The following BCCIP variants were observed in gnomAD, a reference collection of about 807,000 sequenced individuals.
BCCIP encodes BRCA2 and CDKN1A interacting protein, also known as BRCA2 and CDKN1A-interacting protein.
A neutral mutation model predicts 32.8 loss-of-function variants in BCCIP; 23 were observed. That is an observed-to-expected ratio of 0.70 (90% CI 0.51 to 0.99). The LOEUF (loss-of-function observed/expected upper bound fraction) is 0.99, where lower values mean the gene tolerates loss of function less well. Ranked by LOEUF, BCCIP falls within the 50% of genes least tolerant of loss-of-function variation. BCCIP has a pLI of 0.00. For missense variants in BCCIP, 378 were observed against 379.8 expected, an observed-to-expected ratio of 1.00 and a Z score of 0.04; for synonymous variants, 144 against 137.6, an observed-to-expected ratio of 1.05 and a Z score of -0.33.
chr10:125,841,232 A>T (rs2134026764), downstream of BCCIP: 1 of 1,603,962 alleles, frequency 6.2e-7, no homozygotes, highest in African/African-American at 1.3e-5. Flanking sequence ...AATATGGTTA[A>T]TATCCTGCTT....
At chr10:125,841,959 T>C (rs1472606796) in exon 7 of BCCIP, 1 of 1,561,144 alleles carries the variant, frequency 6.4e-7, no homozygotes, top group Non-Finnish European at 8.6e-7. Flanking sequence ...AAATAATAAT[T>C]TAAGAGTCTC....
chr10:125,839,818 C>G (rs1222990555), downstream of BCCIP, among the ~76,000 whole-genome samples: 2 of 152,140 alleles, frequency 1.3e-5, no homozygotes, highest in Non-Finnish European at 2.9e-5. Context: ...TGGGAATGTA[C>G]ATGGCCATGG....
At position 125,836,284 on chromosome 10, in the gene BCCIP, A is replaced by C; in HGVS notation, c.*10A>C. 1 of 1,614,202 alleles carries C rather than the reference A, an allele frequency of 6.2e-7. No individual in the cohort carries two copies. The highest frequency in any genetic ancestry group is 8.5e-7 in the Non-Finnish European group (1 of 1,180,016). ...ATATCTATCTGTCTAACCCATTTCC[A>C]ATGGACAGTGATGGGCTTGTTTTTG... On this transcript the variant is annotated 3_prime_UTR_variant, in exon 7 of 7. Coordinates refer to ENST00000278100, the MANE Select transcript of BCCIP (RefSeq NM_078468.3).
Position 125,824,450 on chromosome 10 carries a change from T to TCATG in BCCIP, c.165+730_165+733dup, listed in dbSNP as rs1308604402. On this transcript the variant is annotated intron_variant, in intron 1 of 6. Transcript: ENST00000278100. ...TCCAAAGCAGAATTTGTATAATAAT[T>TCATG]CATGCCCCTCTCTTAATCGTCACCA... Among the ~76,000 whole-genome samples, 25 of 152,334 alleles carry TCATG rather than the reference T, an allele frequency of 1.6e-4. No homozygotes were observed. In the East Asian group the frequency reaches 4.6e-3, roughly 28 times the overall value.
At chr10:125,835,645 G>T (rs1337643394) in intron 6 of BCCIP, among the ~76,000 whole-genome samples, 4 of 152,080 alleles carry the variant, frequency 2.6e-5, no homozygotes, top group Admixed American at 6.5e-5. Flanking sequence ...TTGACCATTT[G>T]GGGGGAGTGT....
At position 125,833,965 on chromosome 10, in the gene BCCIP, T is replaced by C. The variant is rs764451436; in HGVS notation, c.774+19T>C. ...CTATGAGGTAAGACTATCCTGCTTA[T>C]TTGTTTAGATGTAAATAAGGATTTT... is the stretch of plus-strand genomic sequence containing the variant. On this transcript the variant is annotated intron_variant, in intron 6 of 6. Transcript: ENST00000278100. 1.2e-6 allele frequency: 2 copies of C among 1,610,054 alleles called. No individual in the cohort carries two copies. The highest frequency in any genetic ancestry group is 1.7e-6 in the Non-Finnish European group (2 of 1,177,240).
At chr10:125,836,694 A>G (rs1854696270), downstream of BCCIP, 1 of 1,613,862 alleles carries the variant, frequency 6.2e-7, no homozygotes, top group Non-Finnish European at 8.5e-7. Flanking sequence ...GAGTCACTGG[A>G]GAGTGCATCT....
At chr10:125,841,120 A>C (rs17153661), downstream of BCCIP, 5,672 of 1,361,890 alleles carry the variant, frequency 4.2e-3, 15 homozygotes, top group Middle Eastern at 7.7e-3. Flanking sequence ...CTGAATAAAT[A>C]TGTTATTCTT....
downstream of BCCIP, chr10:125,841,136 C>T (rs1169882889): frequency 4.4e-6 from 6 of 1,377,222 alleles, no homozygotes; most frequent in Non-Finnish European, 6.0e-6. Context: ...TTCTTGTTTA[C>T]TTAGAAATCC....
downstream of BCCIP, among the ~76,000 whole-genome samples, chr10:125,843,860 C>G (rs1490226570): frequency 6.6e-6 from 1 of 152,146 alleles, no homozygotes; most frequent in Non-Finnish European, 1.5e-5. Flanking sequence ...GCCAAACCAC[C>G]CAAGGGAAAT....
rs1355074268 is a variant in BCCIP at position 125,834,014 on chromosome 10, T to G, written c.774+68T>G. On this transcript the variant is annotated intron_variant, in intron 6 of 6. Transcript: ENST00000278100. ...TTCTTGAAAATGATTTATCAAGATT[T>G]ATTGTTCTCCCACTTTAGGTCCAAG... 2.0e-6 allele frequency: 3 copies of G among 1,533,572 alleles called. No homozygotes were observed. The Admixed American group carries it at 5.1e-5, about 26-fold the overall frequency. 95.0% of individuals were successfully genotyped at this position (1,533,572 alleles called of 1,614,324 possible).
At chr10:125,851,978 C>A (rs1156900486) in intron 7 of BCCIP, among the ~76,000 whole-genome samples, 1 of 150,418 alleles carries the variant, frequency 6.6e-6, no homozygotes, top group Non-Finnish European at 1.5e-5. Context: ...GCTGAGAATT[C>A]TTCTTTCTGC....
rs1214598507 is a variant in BCCIP, at chr10:125,836,117, A to G, written c.788A>G (p.Lys263Arg). ...TATTTGGTTTAGAAGGCAATTCTCA[A>G]GTTCAACTACTCAGTGCAGGAGGAG... ...EEFFYEKAIL[K>R]FNYSVQEESD... The change falls in exon 7 of 7, where the codon AAG becomes AGG. Residue 263 changes from lysine to arginine, a missense_variant. Lys to Arg is a conservative substitution (Grantham distance 26, BLOSUM62 2). Coordinates refer to ENST00000278100, the MANE Select transcript of BCCIP (RefSeq NM_078468.3). 5 of 1,611,136 alleles carry G rather than the reference A, an allele frequency of 3.1e-6. No individual in the cohort carries two copies. The highest frequency in any genetic ancestry group is 4.5e-5 in the East Asian group (2 of 44,820).
intron 7 of BCCIP, among the ~76,000 whole-genome samples, chr10:125,851,158 T>C (rs956305319): frequency 2.6e-5 from 4 of 152,240 alleles, no homozygotes; most frequent in Non-Finnish European, 4.4e-5. Context: ...GTTTGCTGGA[T>C]TTGCATATTT....
downstream of BCCIP, among the ~76,000 whole-genome samples, chr10:125,837,893 A>G (rs1854746920): frequency 6.6e-6 from 1 of 152,166 alleles, no homozygotes; most frequent in South Asian, 2.1e-4. Flanking sequence ...TGGCTCTTGA[A>G]AGATGGCTAA....
chr10:125,831,572 T>C lies in BCCIP; in HGVS notation c.564T>C (p.Pro188=). The C allele has an allele frequency of 6.2e-7, 1 of 1,614,142 alleles. No individual in the cohort carries two copies. Among genetic ancestry groups the C allele is most frequent in the Non-Finnish European group, 8.5e-7 (1 of 1,179,984 alleles). ...LLLSERFINV[P]PQIALPMYQQ... The stretch of plus-strand genomic sequence containing the variant: ...TAAGTGAAAGATTCATTAATGTCCC[T>C]CCACAGATCGCTCTGCCCATGTACC... The change falls in exon 5 of 7, where the codon CCT becomes CCC. Residue 188 remains proline (P), a synonymous_variant. Transcript: ENST00000278100.
At chr10:125,840,107 T>C (rs1170730842), downstream of BCCIP, among the ~76,000 whole-genome samples, 1 of 152,220 alleles carries the variant, frequency 6.6e-6, no homozygotes, top group African/African-American at 2.4e-5. Context: ...TAAAAGATGC[T>C]TCATGGAAAA....
At chr10:125,852,581 G>C in intron 7 of BCCIP, 1 of 1,613,850 alleles carries the variant, frequency 6.2e-7, no homozygotes, top group Non-Finnish European at 8.5e-7. Context: ...GCGTATCTCT[G>C]CCTGGCTCTG....
At chr10:125,823,784 G>A in intron 1 of BCCIP, 62 bp downstream of exon 1, 1 of 1,591,026 alleles carries the variant, frequency 6.3e-7, no homozygotes, top group South Asian at 1.1e-5. Flanking sequence ...GCAAGCCCAG[G>A]CTGTGTAAAA....
Sources: gnomAD v4.1 joint callset for allele counts (sites outside exome capture counted in the v4.1 genomes callset) on GRCh38, gnomAD v4.1.1 for gene constraint, MANE v1.5 for transcripts, NCBI Gene and HGNC (gene_info 2026-07-23, HGNC 2026-07-21) for gene names.